Variants in CNOT6L observed in about 807,000 individuals in gnomAD.
CNOT6L encodes the protein CCR4-NOT transcription complex subunit 6 like.
In CNOT6L, 7 loss-of-function variants were observed where a neutral mutation model predicts 64.0. The observed-to-expected ratio is 0.11, with a 90% CI of 0.06 to 0.21. The LOEUF is 0.21. Among genes scored for constraint, CNOT6L ranks in the 10% least tolerant of loss-of-function variants. The probability of loss-of-function intolerance (pLI) is 1.00; values close to 1 mark genes in which losing one functional copy is unlikely to be tolerated. For synonymous variants in CNOT6L, 193 were observed against 243.4 expected (o/e 0.79, Z 1.93); for missense variants, 245 against 669.0 (o/e 0.37, Z 6.99).
chr4:77,781,778 T>C (rs900423024), intron 1 of CNOT6L, among the ~76,000 whole-genome samples: 1 of 152,208 alleles, frequency 6.6e-6, no homozygotes, highest in Middle Eastern at 3.2e-3. Context: ...AAATTACAGT[T>C]TCTCTCTTAT....
chr4:77,778,216 A>AT (rs1728370858), intron 1 of CNOT6L, among the ~76,000 whole-genome samples: 1 of 152,220 alleles, frequency 6.6e-6, no homozygotes, highest in African/African-American at 2.4e-5. Flanking sequence ...GCTGGACACC[A>AT]TAAGGCACAC....
intron 4 of CNOT6L, among the ~76,000 whole-genome samples, chr4:77,757,186 T>TA (rs1725665520): frequency 6.6e-6 from 1 of 152,158 alleles, no homozygotes; most frequent in South Asian, 2.1e-4. Context: ...AAAGCATATA[T>TA]ATTAATCATA....
At chr4:77,750,767 T>C (rs1466072321) in intron 5 of CNOT6L, among the ~76,000 whole-genome samples, 1 of 152,166 alleles carries the variant, frequency 6.6e-6, no homozygotes, top group Non-Finnish European at 1.5e-5. Context: ...TAAATAAATA[T>C]ATTGGTGACC....
intron 1 of CNOT6L, among the ~76,000 whole-genome samples, chr4:77,791,732 A>C (rs1232258158): frequency 1.3e-5 from 2 of 152,146 alleles, no homozygotes; most frequent in Non-Finnish European, 2.9e-5. Context: ...TATTTAAACA[A>C]CAAATGGTAG....
At chr4:77,732,349 A>G (rs1372144952) in intron 8 of CNOT6L, among the ~76,000 whole-genome samples, 1 of 152,090 alleles carries the variant, frequency 6.6e-6, no homozygotes, top group Non-Finnish European at 1.5e-5. Flanking sequence ...AACCTTTTTC[A>G]GTCTAATTTT....
chr4:77,778,630 C>T (rs542497536), intron 1 of CNOT6L, among the ~76,000 whole-genome samples: 1 of 151,948 alleles, frequency 6.6e-6, no homozygotes, highest in African/African-American at 2.4e-5. Flanking sequence ...TGGTCTCGAA[C>T]TCCTGACCTT....
chr4:77,770,855 G>C (rs1050641491), intron 4 of CNOT6L, among the ~76,000 whole-genome samples: 24 of 152,196 alleles, frequency 1.6e-4, no homozygotes. Flanking sequence ...CTGAATGAAG[G>C]ACTAAGGAGA....
At chr4:77,769,133 T>C (rs1727245945) in intron 4 of CNOT6L, among the ~76,000 whole-genome samples, 1 of 152,230 alleles carries the variant, frequency 6.6e-6, no homozygotes, top group African/African-American at 2.4e-5. Flanking sequence ...GGCTGAATCA[T>C]AAAAACATAA....
At chr4:77,817,582 T>C (rs537243649) in intron 1 of CNOT6L, among the ~76,000 whole-genome samples, 46 of 152,358 alleles carry the variant, frequency 3.0e-4, no homozygotes, top group Non-Finnish European at 5.7e-4. Context: ...CTGTGGCTTA[T>C]AGATATGTTA....
intron 3 of CNOT6L, 149 bp downstream of exon 3, chr4:77,774,381 A>G (rs1334592296): frequency 3.5e-6 from 2 of 578,374 alleles, no homozygotes; most frequent in East Asian, 3.3e-5. Context: ...GAAATGTTCA[A>G]CGGAGGCCAA....
chr4:77,736,688 C>T (rs772510832), intron 8 of CNOT6L, among the ~76,000 whole-genome samples: 14 of 152,132 alleles, frequency 9.2e-5, no homozygotes, highest in East Asian at 3.9e-4. Context: ...CTTGGTAATA[C>T]GGAAAATCTT....
chr4:77,731,378 T>C lies in CNOT6L; in HGVS notation c.1024+9A>G. The C allele has an allele frequency of 1.2e-6, 2 of 1,607,920 alleles. No individual in the cohort carries two copies. Among genetic ancestry groups the C allele is most frequent in the Non-Finnish European group, 1.7e-6 (2 of 1,178,088 alleles). Reference sequence around the variant, plus strand: ...TATTTTTAGTAAGAATATTTTACATTGCACTCACCTGCTCCAAATAGTTCT... The same window carrying C: ...TATTTTTAGTAAGAATATTTTACATCGCACTCACCTGCTCCAAATAGTTCT... On this transcript the variant is annotated intron_variant, in intron 9 of 11. Coordinates refer to ENST00000504123, the MANE Select transcript of CNOT6L (RefSeq NM_144571.3).
chr4:77,760,192 G>A (rs1726039033), intron 4 of CNOT6L, among the ~76,000 whole-genome samples: 1 of 152,020 alleles, frequency 6.6e-6, no homozygotes, highest in African/African-American at 2.4e-5. Context: ...GGGCAACATG[G>A]TGAGACCCCC....
chr4:77,814,252 G>A lies in CNOT6L; in HGVS notation c.5+5052C>T, dbSNP rs142458615. On this transcript the variant is annotated intron_variant, in intron 1 of 11. Transcript: ENST00000504123. The stretch of plus-strand genomic sequence containing the variant: ...TGAAGGGTGACTCTTGAAAGATACA[G>A]GATTTATATTTTAGGTAATGAAAAT... 4.6e-3 allele frequency among the ~76,000 whole-genome samples: 703 copies of A among 152,166 alleles called. 8 individuals carry two copies. The highest frequency in any genetic ancestry group is 0.016 in the African/African-American group (678 of 41,514).
At chr4:77,767,597 C>T (rs1035419443) in intron 4 of CNOT6L, among the ~76,000 whole-genome samples, 16 of 152,096 alleles carry the variant, frequency 1.1e-4, no homozygotes, top group African/African-American at 3.9e-4. Context: ...AAACTATTCA[C>T]TAATGATGTT....
chr4:77,733,583 T>G (rs1282402399), intron 8 of CNOT6L, among the ~76,000 whole-genome samples: 1 of 152,076 alleles, frequency 6.6e-6, no homozygotes, highest in Non-Finnish European at 1.5e-5. Flanking sequence ...TAGGATTCTG[T>G]ACAAAAGTCT....
Position 77,720,610 on chromosome 4 carries a change from G to A in CNOT6L, c.1489C>T (p.His497Tyr), listed in dbSNP as rs1216880174. 4 of 1,613,196 alleles carry A rather than the reference G, an allele frequency of 2.5e-6. No individual in the cohort carries two copies. The highest frequency in any genetic ancestry group is 2.2e-5 in the East Asian group (1 of 44,892). Residue 497 changes from histidine to tyrosine, a missense_variant, in exon 12 of 12, where the codon CAT becomes TAT. Physicochemically the swap from His to Tyr is moderately conservative, Grantham distance 83. This residue lies in a region of CNOT6L where 20 missense variants were observed against 26.4 expected (regional missense o/e 0.76). Transcript: ENST00000504123. The part of the protein sequence containing the change: ...VIDYIFYSKT[H>Y]MNVLGVLGPL... The stretch of plus-strand genomic sequence containing the variant: ...CCCAGGACACCAAGCACGTTCATAT[G>A]AGTCTTGGAATAGAAAATGTAGTCA...
intron 5 of CNOT6L, among the ~76,000 whole-genome samples, chr4:77,752,429 G>A (rs911415718): frequency 2.0e-5 from 3 of 152,096 alleles, no homozygotes; most frequent in Non-Finnish European, 4.4e-5. Context: ...TGCATCTAAT[G>A]AGAAGAGACA....
intron 1 of CNOT6L, among the ~76,000 whole-genome samples, chr4:77,789,568 G>A (rs1729863964): frequency 6.6e-6 from 1 of 150,880 alleles, no homozygotes; most frequent in Non-Finnish European, 1.5e-5. Flanking sequence ...GGCTACTCAG[G>A]AAGATTCCTT....
Sources: gnomAD v4.1 joint callset for allele counts (sites outside exome capture counted in the v4.1 genomes callset) on GRCh38, gnomAD v4.1.1 for gene constraint, gnomAD v4.1.1 regional missense constraint, MANE v1.5 for transcripts, NCBI Gene and HGNC (gene_info 2026-07-23, HGNC 2026-07-21) for gene names.